Variants in ROBO2 observed in about 807,000 individuals in gnomAD.
ROBO2 encodes roundabout homolog 2.
ROBO2 carries 53 observed loss-of-function variants against 160.8 expected under a neutral mutation model. The ratio of observed to expected loss-of-function variants is 0.33; its 90% CI spans 0.26 to 0.41. The LOEUF is 0.41. ROBO2 is among the 10% of genes least tolerant of loss of function. The pLI, the probability that ROBO2 is intolerant of heterozygous loss-of-function variation, is 1.00. For missense variants in ROBO2, 1,577 were observed against 1,722.4 expected (o/e 0.92, Z 1.49); for synonymous variants, 664 against 611.7 (o/e 1.09, Z -1.26).
At chr3:76,135,378 A>G (rs183610746) in intron 2 of ROBO2, among the ~76,000 whole-genome samples, 12 of 152,258 alleles carry the variant, frequency 7.9e-5, no homozygotes, top group African/African-American at 2.9e-4. Context: ...CCACTATGCA[A>G]TGCCCTCTCT....
At chr3:76,189,124 T>C (rs906426998) in intron 2 of ROBO2, among the ~76,000 whole-genome samples, 2 of 152,042 alleles carry the variant, frequency 1.3e-5, no homozygotes, top group South Asian at 2.1e-4. Context: ...TTCCAGAAAG[T>C]TGGCAGTGAA....
intron 2 of ROBO2, among the ~76,000 whole-genome samples, chr3:77,375,421 A>AT (rs2072494201): frequency 6.6e-6 from 1 of 152,218 alleles, no homozygotes; most frequent in African/African-American, 2.4e-5. Flanking sequence ...TTGTAATTTT[A>AT]TTATTGAATA....
intron 2 of ROBO2, among the ~76,000 whole-genome samples, chr3:76,060,887 G>T (rs958102312): frequency 1.3e-5 from 2 of 152,078 alleles, no homozygotes; most frequent in African/African-American, 4.8e-5. Context: ...GATCATCCCT[G>T]TTCCCACCGT....
At chr3:77,503,463 GCA>G (rs2087944129) in intron 5 of ROBO2, among the ~76,000 whole-genome samples, 1 of 151,082 alleles carries the variant, frequency 6.6e-6, no homozygotes, top group Admixed American at 6.6e-5. Flanking sequence ...GGCAGAGCTT[GCA>G]GTGAGCCAAG....
chr3:76,377,495 A>G (rs1035228330), intron 2 of ROBO2, among the ~76,000 whole-genome samples: 1 of 152,166 alleles, frequency 6.6e-6, no homozygotes. Context: ...ATATTACCTG[A>G]GGAAAACTGA....
At chr3:76,985,700 C>A (rs1378318224) in intron 2 of ROBO2, among the ~76,000 whole-genome samples, 1 of 147,138 alleles carries the variant, frequency 6.8e-6, no homozygotes, top group Non-Finnish European at 1.5e-5. Flanking sequence ...GGCTAATGTT[C>A]TTCAAAATTA....
intron 2 of ROBO2, among the ~76,000 whole-genome samples, chr3:76,135,406 T>C (rs953982247): frequency 1.3e-5 from 2 of 152,134 alleles, no homozygotes; most frequent in Non-Finnish European, 2.9e-5. Context: ...CCACTCTCTT[T>C]AATGGTTGAG....
At chr3:77,316,127 G>A (rs1279723453) in intron 2 of ROBO2, among the ~76,000 whole-genome samples, 3 of 152,148 alleles carry the variant, frequency 2.0e-5, no homozygotes, top group Non-Finnish European at 2.9e-5. Flanking sequence ...GCTCCTGGAA[G>A]CTATTTCTTA....
intron 2 of ROBO2, among the ~76,000 whole-genome samples, chr3:76,053,361 C>T (rs2067718268): frequency 1.3e-5 from 2 of 152,082 alleles, no homozygotes; most frequent in South Asian, 2.1e-4. Context: ...AAGTCTGAGA[C>T]TATTTTCTAG....
chr3:77,624,531 C>T (rs573373565), intron 23 of ROBO2, among the ~76,000 whole-genome samples: 3 of 152,086 alleles, frequency 2.0e-5, no homozygotes, highest in Non-Finnish European at 4.4e-5. Flanking sequence ...GAGAAATCAG[C>T]ATGCCAATGA....
At chr3:76,732,322 G>A (rs2093649591) in intron 2 of ROBO2, among the ~76,000 whole-genome samples, 1 of 152,120 alleles carries the variant, frequency 6.6e-6, no homozygotes, top group African/African-American at 2.4e-5. Flanking sequence ...AGTACATTTT[G>A]AAATCTTCAT....
intron 2 of ROBO2, among the ~76,000 whole-genome samples, chr3:76,505,299 G>A (rs1464128933): frequency 6.6e-6 from 1 of 151,816 alleles, no homozygotes; most frequent in Non-Finnish European, 1.5e-5. Context: ...ACCATCGGTT[G>A]TTTCCTCAAT....
chr3:77,206,985 T>C (rs1311763520), intron 2 of ROBO2, among the ~76,000 whole-genome samples: 10 of 152,136 alleles, frequency 6.6e-5, no homozygotes. Flanking sequence ...CATTAATGGA[T>C]TGGTGATTTC....
At chr3:77,503,268 G>A (rs960816462) in intron 5 of ROBO2, among the ~76,000 whole-genome samples, 4 of 151,456 alleles carry the variant, frequency 2.6e-5, no homozygotes, top group Admixed American at 6.6e-5. Flanking sequence ...GCTCACGCCT[G>A]TAATCCCAGC....
chr3:75,929,552 T>G (rs1274149223), intron 1 of ROBO2, among the ~76,000 whole-genome samples: 2 of 152,190 alleles, frequency 1.3e-5, no homozygotes, highest in Non-Finnish European at 2.9e-5. Flanking sequence ...AGGTGGTTGT[T>G]CTTGGTTCCC....
At chr3:76,365,293 G>A (rs939311283) in intron 2 of ROBO2, among the ~76,000 whole-genome samples, 4 of 151,972 alleles carry the variant, frequency 2.6e-5, no homozygotes, top group African/African-American at 7.2e-5. Flanking sequence ...TAAAAAATAC[G>A]ATTCCTGTAC....
intron 2 of ROBO2, among the ~76,000 whole-genome samples, chr3:76,597,547 C>T (rs1307531572): frequency 6.6e-6 from 1 of 152,004 alleles, no homozygotes; most frequent in Non-Finnish European, 1.5e-5. Context: ...CCTAAAACAA[C>T]AATGAGGTTC....
chr3:76,913,380 C>T (rs1289327353), intron 2 of ROBO2, among the ~76,000 whole-genome samples: 1 of 152,148 alleles, frequency 6.6e-6, no homozygotes, highest in African/African-American at 2.4e-5. Flanking sequence ...TGACTCCCTG[C>T]TGCTAATTCA....
chr3:75,997,422 A>C (rs1042202960), intron 2 of ROBO2, among the ~76,000 whole-genome samples: 1 of 151,976 alleles, frequency 6.6e-6, no homozygotes, highest in African/African-American at 2.4e-5. Context: ...TTTTGGAAAT[A>C]ATTTCTTTGG....
Sources: allele counts gnomAD v4.1 joint callset (sites outside exome capture counted in the v4.1 genomes callset), GRCh38; gene constraint gnomAD v4.1.1; transcripts MANE v1.5; gene names NCBI Gene and HGNC (gene_info 2026-07-23, HGNC 2026-07-21).